The following SLC38A9 variants were observed in gnomAD, a reference collection of about 807,000 sequenced individuals.
The protein encoded by SLC38A9 is solute carrier family 38 member 9, also known as neutral amino acid transporter 9.
SLC38A9 carries 48 observed loss-of-function variants against 62.3 expected under a neutral mutation model. The observed-to-expected ratio is 0.77, with a 90% CI of 0.61 to 0.98. SLC38A9 has a LOEUF of 0.98. Ranked by LOEUF, SLC38A9 falls within the 50% of genes least tolerant of loss-of-function variation. SLC38A9 has a pLI of 0.00. For synonymous variants in SLC38A9, 204 were observed against 227.7 expected (o/e 0.90, Z 0.94); for missense variants, 541 against 679.8 (o/e 0.80, Z 2.27).
intron 3 of SLC38A9, among the ~76,000 whole-genome samples, chr5:55,682,914 A>G (rs569166764): frequency 6.6e-6 from 1 of 152,044 alleles, no homozygotes; most frequent in Non-Finnish European, 1.5e-5. Flanking sequence ...AACAGAAGGA[A>G]CATAATGAAT....
Position 55,657,493 on chromosome 5 carries a change from T to G in SLC38A9, c.698-719A>C, listed in dbSNP as rs531392152. Among the ~76,000 whole-genome samples the G allele has an allele frequency of 1.3e-3, 203 of 151,840 alleles. No homozygotes were observed. In the Middle Eastern group the frequency reaches 0.014, roughly 10 times the overall value. On this transcript the variant is annotated intron_variant, in intron 8 of 15. Coordinates refer to ENST00000396865, the MANE Select transcript of SLC38A9 (RefSeq NM_173514.4). ...TGATCTTACCTGGAAAATCAAAGTTTTTTTTTTTTTTACAAAGTACAATAC... is the reference window on the plus strand; with the variant it reads ...TGATCTTACCTGGAAAATCAAAGTTGTTTTTTTTTTTACAAAGTACAATAC...
In SLC38A9 at chr5:55,697,202, A is replaced by AAGGC. The variant is rs1210145941; in HGVS notation, c.113+640_113+643dup. On this transcript the variant is annotated intron_variant, in intron 3 of 15. Transcript: ENST00000396865. ...TGCAATCTCGGCACTTTGGGAGGCC[A>AAGGC]AGGCAGGCGGCTGGGAGGTGGAGGT... 4 of 153,826 alleles carry AAGGC rather than the reference A, an allele frequency of 2.6e-5. No individual in the cohort carries two copies. The East Asian group carries it at 5.7e-4, about 22-fold the overall frequency. 9.5% of individuals were successfully genotyped at this position (153,826 alleles called of 1,614,324 possible).
At chr5:55,691,189 C>G in intron 3 of SLC38A9, 1 of 856,594 alleles carries the variant, frequency 1.2e-6, no homozygotes, top group Non-Finnish European at 1.9e-6. Context: ...TCATATTTAC[C>G]GGATTCTCCA....
chr5:55,664,969 G>A (rs964158393), intron 7 of SLC38A9, 106 bp from the exon 8 acceptor site: 9 of 578,174 alleles, frequency 1.6e-5, no homozygotes, highest in Middle Eastern at 3.8e-4. Flanking sequence ...AAGATTATGG[G>A]TATTCTATCG....
chr5:55,635,258 A>G, intron 13 of SLC38A9: 1 of 439,398 alleles, frequency 2.3e-6, no homozygotes, highest in South Asian at 2.2e-5. Flanking sequence ...TGTACATAAT[A>G]GTAGACATTT....
chr5:55,635,456 A>G lies in SLC38A9; in HGVS notation c.1281+88T>C, dbSNP rs1169693606. On this transcript the variant is annotated intron_variant, in intron 13 of 15. Coordinates refer to ENST00000396865, the MANE Select transcript of SLC38A9 (RefSeq NM_173514.4). The stretch of plus-strand genomic sequence containing the variant: ...TGGTATTAAAACCCAGGCCTATCTG[A>G]TGTTATATCTTGCCACTGTATCACC... 1.2e-5 allele frequency: 11 copies of G among 925,792 alleles called. No homozygotes were observed. In the African/African-American group the frequency reaches 1.8e-4, roughly 15 times the overall value. The allele number at this position is 925,792 out of a possible 1,614,324, so 57.3% of individuals were successfully genotyped here. A position where few individuals can be genotyped will look rare whatever the true frequency, so the allele number is the denominator to read the frequency against.
intron 7 of SLC38A9, among the ~76,000 whole-genome samples, chr5:55,666,875 C>T (rs1391576566): frequency 2.0e-5 from 3 of 152,204 alleles, no homozygotes; most frequent in East Asian, 1.9e-4. Flanking sequence ...ATTAGCCGGG[C>T]GTGGTGGTGG....
chr5:55,633,589 C>T (rs199796023), intron 14 of SLC38A9, 165 bp downstream of exon 14: 32 of 861,190 alleles, frequency 3.7e-5, no homozygotes. Flanking sequence ...GGAGTGGCTT[C>T]TATTTTTAAA....
In SLC38A9 at chr5:55,656,861, T is replaced by TC. The variant is rs1306973405; in HGVS notation, c.698-88_698-87insG. The stretch of plus-strand genomic sequence containing the variant: ...TTAAGGTCTTTTATTTATAAAAATC[T>TC]TTTTTTTTTCTTTCTTTGAGACGGA... On this transcript the variant is annotated intron_variant, in intron 8 of 15. Coordinates refer to ENST00000396865, the MANE Select transcript of SLC38A9 (RefSeq NM_173514.4). The TC allele has an allele frequency of 6.4e-6, 3 of 470,390 alleles. No individual in the cohort carries two copies. In the African/African-American group the frequency reaches 3.1e-4, roughly 49 times the overall value. The allele number at this position is 470,390 out of a possible 1,614,324, so 29.1% of individuals were successfully genotyped here. A position where few individuals can be genotyped will look rare whatever the true frequency, so the allele number is the denominator to read the frequency against.
chr5:55,686,585 T>C (rs1387630922), intron 3 of SLC38A9, among the ~76,000 whole-genome samples: 1 of 152,176 alleles, frequency 6.6e-6, no homozygotes, highest in African/African-American at 2.4e-5. Flanking sequence ...TTTACTCCAT[T>C]GATAGTTTCT....
chr5:55,704,733 C>T (rs1348210910), intron 2 of SLC38A9, among the ~76,000 whole-genome samples: 1 of 152,186 alleles, frequency 6.6e-6, no homozygotes, highest in African/African-American at 2.4e-5. Flanking sequence ...GAATTACACA[C>T]ATTGGGTAAT....
Position 55,689,493 on chromosome 5 carries a change from C to T in SLC38A9, c.113+8353G>A, listed in dbSNP as rs751722913. Reference sequence around the variant, plus strand: ...GCTTGTTAAAAGAAGTTTCAAATCTCTTGTTATATACTTGCAATTGGTTTT... The same window carrying T: ...GCTTGTTAAAAGAAGTTTCAAATCTTTTGTTATATACTTGCAATTGGTTTT... On this transcript the variant is annotated intron_variant, in intron 3 of 15. Coordinates refer to ENST00000396865, the MANE Select transcript of SLC38A9 (RefSeq NM_173514.4). Among the ~76,000 whole-genome samples the T allele has an allele frequency of 3.3e-5, 5 of 152,298 alleles. No homozygotes were observed. In the South Asian group the frequency reaches 8.3e-4, roughly 25 times the overall value.
chr5:55,707,338 T>A (rs1757419707), intron 2 of SLC38A9, among the ~76,000 whole-genome samples: 1 of 152,198 alleles, frequency 6.6e-6, no homozygotes, highest in Non-Finnish European at 1.5e-5. Context: ...AAATGCTAAA[T>A]ACTTCTATAG....
chr5:55,686,064 G>A (rs1467945602), intron 3 of SLC38A9, among the ~76,000 whole-genome samples: 2 of 152,038 alleles, frequency 1.3e-5, no homozygotes, highest in Non-Finnish European at 2.9e-5. Context: ...CTTTGCTATT[G>A]TAAATACTGT....
chr5:55,631,224 T>C (rs1165931124), intron 14 of SLC38A9, among the ~76,000 whole-genome samples: 1 of 152,212 alleles, frequency 6.6e-6, no homozygotes, highest in Non-Finnish European at 1.5e-5. Flanking sequence ...CCTGGAGTCC[T>C]CAATACATTT....
chr5:55,641,021 G>A (rs1053395875), intron 12 of SLC38A9, among the ~76,000 whole-genome samples: 2 of 151,818 alleles, frequency 1.3e-5, no homozygotes, highest in African/African-American at 4.8e-5. Flanking sequence ...TGTATTTTTA[G>A]TAGAGATGGG....
intron 3 of SLC38A9, among the ~76,000 whole-genome samples, chr5:55,687,073 T>TG (rs1342492852): frequency 0.035 from 829 of 23,436 alleles, 8 homozygotes; most frequent in African/African-American, 0.076. Context: ...TTGTTTTTTT[T>TG]TTTTTTTTTT....
intron 3 of SLC38A9, among the ~76,000 whole-genome samples, chr5:55,680,458 C>A (rs192113009): frequency 6.6e-6 from 1 of 152,200 alleles, no homozygotes; most frequent in African/African-American, 2.4e-5. Flanking sequence ...GGTCCCCCCT[C>A]ATTAAGGCCC....
At chr5:55,683,979 A>C (rs1269739201) in intron 3 of SLC38A9, among the ~76,000 whole-genome samples, 1 of 152,264 alleles carries the variant, frequency 6.6e-6, no homozygotes, top group Admixed American at 6.5e-5. Flanking sequence ...CTCTAGTACT[A>C]TATGAGCATT....
Sources: gnomAD v4.1 joint callset for allele counts (sites outside exome capture counted in the v4.1 genomes callset) on GRCh38, gnomAD v4.1.1 for gene constraint, MANE v1.5 for transcripts, NCBI Gene and HGNC (gene_info 2026-07-23, HGNC 2026-07-21) for gene names.